The following PDK3 variants were observed in gnomAD, a reference collection of about 807,000 sequenced individuals.
The protein encoded by PDK3 is pyruvate dehydrogenase kinase 3.
Under a neutral mutation model 32.0 loss-of-function variants are expected in PDK3, and 12 were observed. The ratio of observed to expected loss-of-function variants is 0.37; its 90% CI spans 0.24 to 0.61. The LOEUF is 0.61. Among genes scored for constraint, PDK3 ranks in the 20% least tolerant of loss-of-function variants. The pLI is 0.65. For synonymous variants in PDK3, 122 were observed against 116.3 expected, an observed-to-expected ratio of 1.05 and a Z score of -0.31; for missense variants, 188 against 316.9, an observed-to-expected ratio of 0.59 and a Z score of 3.09.
chrX:24,525,007 A>T (rs5986575), intron 6 of PDK3, among the ~76,000 whole-genome samples: 45,267 of 108,312 alleles, frequency 0.42, 7,257 homozygotes, highest in African/African-American at 0.54. Flanking sequence ...AAATACAAAA[A>T]TTAGCCAGGA....
intron 1 of PDK3, among the ~76,000 whole-genome samples, chrX:24,480,376 AT>A (rs1396675361): frequency 2.7e-5 from 3 of 111,894 alleles, no homozygotes; most frequent in Admixed American, 9.5e-5. Context: ...GAGTTCTTTG[AT>A]TTGTTTACCC....
chrX:24,467,753 AGAG>A (rs1001201911), intron 1 of PDK3, among the ~76,000 whole-genome samples: 2 of 111,781 alleles, frequency 1.8e-5, no homozygotes, highest in African/African-American at 6.5e-5. Flanking sequence ...AGGTGAGGAG[AGAG>A]GAGGAGTGAA....
At chrX:24,511,979 G>A (rs765539091) in intron 5 of PDK3, among the ~76,000 whole-genome samples, 1 of 111,452 alleles carries the variant, frequency 9.0e-6, no homozygotes, top group Non-Finnish European at 1.9e-5. Flanking sequence ...TTTTATTTTT[G>A]ACTAGACAGT....
chrX:24,466,365 C>G (rs1479116673), intron 1 of PDK3, among the ~76,000 whole-genome samples: 1 of 111,869 alleles, frequency 8.9e-6, no homozygotes, highest in African/African-American at 3.3e-5. Context: ...CCCCAGAAAA[C>G]GAAGGAGCTG....
At chrX:24,527,990 A>G in intron 8 of PDK3, 86 bp from the exon 9 acceptor site, 2 of 535,895 alleles carry the variant, frequency 3.7e-6, no homozygotes, top group Non-Finnish European at 6.6e-6. Flanking sequence ...GTAATCTGCT[A>G]TGTACTTTAT....
intron 1 of PDK3, among the ~76,000 whole-genome samples, chrX:24,492,448 G>A (rs1026691528): frequency 2.7e-5 from 3 of 110,542 alleles, no homozygotes; most frequent in African/African-American, 9.9e-5. Flanking sequence ...AATTAGCCAA[G>A]CATTGTGACG....
intron 6 of PDK3, among the ~76,000 whole-genome samples, chrX:24,520,343 G>C (rs1922366782): frequency 8.9e-6 from 1 of 111,979 alleles, no homozygotes; most frequent in Admixed American, 9.5e-5. Flanking sequence ...CCATTAGATA[G>C]AATACTATGC....
chrX:24,518,388 C>A (rs1429139220), intron 5 of PDK3, among the ~76,000 whole-genome samples: 1 of 112,010 alleles, frequency 8.9e-6, no homozygotes, highest in East Asian at 2.8e-4. Context: ...GAGGCTGAGG[C>A]AGGAGAATCG....
intron 3 of PDK3, among the ~76,000 whole-genome samples, chrX:24,501,732 A>G (rs946633544): frequency 2.7e-5 from 3 of 111,966 alleles, no homozygotes; most frequent in Non-Finnish European, 5.6e-5. Flanking sequence ...AAACAAACAA[A>G]CAAACAGCTG....
At position 24,515,423 on chromosome X, in the gene PDK3, G is replaced by A. The variant is rs192556669; in HGVS notation, c.596-3510G>A. Among the ~76,000 whole-genome samples the A allele has an allele frequency of 2.7e-5, 3 of 112,286 alleles. No individual in the cohort carries two copies. The Admixed American group carries it at 2.8e-4, about 11-fold the overall frequency. ...ACAACGCTGTCATAATCATGCTACT[G>A]GGCAAGCGAATTCCATGAGGAATTA... On this transcript the variant is annotated intron_variant, in intron 5 of 10. Transcript: ENST00000379162.
At chrX:24,520,916 A>T (rs748220407) in intron 6 of PDK3, among the ~76,000 whole-genome samples, 12 of 111,301 alleles carry the variant, frequency 1.1e-4, no homozygotes, top group Admixed American at 9.6e-4. Flanking sequence ...TTGTGAACGT[A>T]TGGAAGTATT....
chrX:24,521,084 G>A (rs1280174651), intron 6 of PDK3, among the ~76,000 whole-genome samples: 1 of 110,057 alleles, frequency 9.1e-6, no homozygotes, highest in African/African-American at 3.3e-5. Flanking sequence ...TTCGAGACCA[G>A]CCTGGGCAAG....
chrX:24,470,687 C>CAAAAAAAAAAAAAAAAA (rs58511156), intron 1 of PDK3, among the ~76,000 whole-genome samples: 2 of 26,264 alleles, frequency 7.6e-5, no homozygotes, highest in Admixed American at 4.9e-4. Flanking sequence ...AACGGCATCT[C>CAAAAAAAAAAAAAAAAA]AAAAAAAAAA....
At chrX:24,499,852 T>G (rs1028689497) in intron 3 of PDK3, among the ~76,000 whole-genome samples, 7 of 112,212 alleles carry the variant, frequency 6.2e-5, no homozygotes, top group African/African-American at 2.3e-4. Flanking sequence ...ACAAAAGCCC[T>G]CACCTATTTT....
chrX:24,544,087 C>G (rs1171843257), exon 12 of PDK3, among the ~76,000 whole-genome samples: 1 of 111,157 alleles, frequency 9.0e-6, no homozygotes, highest in Non-Finnish European at 1.9e-5. Flanking sequence ...GCACTTGAAC[C>G]CTAAGGCTAG....
At chrX:24,529,247 T>G in intron 9 of PDK3, among the ~76,000 whole-genome samples, 1 of 112,196 alleles carries the variant, frequency 8.9e-6, no homozygotes, top group Non-Finnish European at 1.9e-5. Flanking sequence ...GGTCTTAAAA[T>G]AGCATCTTGA....
At chrX:24,511,732 C>T (rs1169495408) in intron 5 of PDK3, among the ~76,000 whole-genome samples, 1 of 109,808 alleles carries the variant, frequency 9.1e-6, no homozygotes, top group Non-Finnish European at 1.9e-5. Context: ...CCTGTAATCC[C>T]AGCTACTCAG....
At chrX:24,504,542 C>T (rs1417218469) in intron 4 of PDK3, among the ~76,000 whole-genome samples, 2 of 111,961 alleles carry the variant, frequency 1.8e-5, no homozygotes, top group African/African-American at 6.5e-5. Context: ...ATTTAGGCAT[C>T]CTTCTTTTGT....
intron 1 of PDK3, among the ~76,000 whole-genome samples, chrX:24,486,847 T>A (rs767717353): frequency 3.6e-5 from 4 of 111,018 alleles, no homozygotes; most frequent in Non-Finnish European, 5.7e-5. Flanking sequence ...CCTGGGCTGG[T>A]CTTGAACTCT....
Sources: allele counts gnomAD v4.1 joint callset (sites outside exome capture counted in the v4.1 genomes callset), GRCh38; gene constraint gnomAD v4.1.1; transcripts MANE v1.5; gene names NCBI Gene and HGNC (gene_info 2026-07-23, HGNC 2026-07-21).